ERI1: variants seen among roughly 807,000 people sequenced by gnomAD.
The protein encoded by ERI1 is exoribonuclease 1, also known as 3'-5' exoribonuclease 1.
In ERI1, 39 loss-of-function variants were observed where a neutral mutation model predicts 39.7. The observed-to-expected ratio is 0.98, with a 90% CI of 0.76 to 1.28. The LOEUF (loss-of-function observed/expected upper bound fraction) is 1.28. Among genes scored for constraint, ERI1 ranks in the 50% most tolerant of loss-of-function variants. The probability of loss-of-function intolerance (pLI) is 0.00; values close to 1 mark genes in which losing one functional copy is unlikely to be tolerated. For missense variants in ERI1, 581 were observed against 416.9 expected (o/e 1.39, Z -3.43); for synonymous variants, 204 against 149.6 (o/e 1.36, Z -2.65).
At chr8:9,007,070 T>C (rs1025302665) in intron 1 of ERI1, among the ~76,000 whole-genome samples, 3 of 152,248 alleles carry the variant, frequency 2.0e-5, no homozygotes, top group Non-Finnish European at 4.4e-5. Context: ...TGATATTGCA[T>C]GTGGAAAATA....
chr8:9,062,959 G>C (rs534723880), intron 3 of ERI1, among the ~76,000 whole-genome samples: 1 of 152,204 alleles, frequency 6.6e-6, no homozygotes, highest in Admixed American at 6.5e-5. Flanking sequence ...CAGGTGTTTG[G>C]AGTTCTTGTG....
At chr8:9,086,834 G>C (rs959265195) in intron 3 of ERI1, among the ~76,000 whole-genome samples, 1 of 152,156 alleles carries the variant, frequency 6.6e-6, no homozygotes, top group African/African-American at 2.4e-5. Flanking sequence ...GACTGAGCAA[G>C]AGTGTCAAAC....
intron 3 of ERI1, among the ~76,000 whole-genome samples, chr8:9,046,637 C>G (rs1377010272): frequency 6.6e-6 from 1 of 152,224 alleles, no homozygotes; most frequent in African/African-American, 2.4e-5. Flanking sequence ...ACTTTCTCCC[C>G]AAACAACTCT....
Position 9,008,014 on chromosome 8 carries a change from C to G in ERI1, c.153C>G (p.Ser51=). 1 of 1,549,386 alleles carries G rather than the reference C, an allele frequency of 6.5e-7. No homozygotes were observed. The highest frequency in any genetic ancestry group is 8.7e-7 in the Non-Finnish European group (1 of 1,148,232). ...TTGATGGCCAGGAGACAAAAGGATC[C>G]AAGTTCATTACCTCCAGTGCGAGTG... ...CKFDGQETKG[S]KFITSSASDF... The change falls in exon 2 of 7, where the codon TCC becomes TCG. Residue 51 remains serine, a synonymous_variant. Coordinates refer to ENST00000250263, the MANE Select transcript of ERI1 (RefSeq NM_153332.4).
intron 3 of ERI1, among the ~76,000 whole-genome samples, chr8:9,087,487 T>C (rs1042431705): frequency 6.9e-6 from 1 of 145,438 alleles, no homozygotes; most frequent in Non-Finnish European, 1.5e-5. Flanking sequence ...GGTCTCGAAC[T>C]CCTGACCTTA....
chr8:9,077,977 C>G (rs932223573), intron 3 of ERI1, among the ~76,000 whole-genome samples: 3 of 152,062 alleles, frequency 2.0e-5, no homozygotes, highest in African/African-American at 7.2e-5. Context: ...ACTGATCCAG[C>G]CTATCTTTTT....
intron 3 of ERI1, among the ~76,000 whole-genome samples, chr8:9,040,710 C>T (rs1585252230): frequency 7.0e-6 from 1 of 143,230 alleles, no homozygotes; most frequent in African/African-American, 2.7e-5. Flanking sequence ...ATGTTTTCAT[C>T]AGTAATATAG....
intron 3 of ERI1, among the ~76,000 whole-genome samples, chr8:9,054,437 G>A (rs958510542): frequency 6.6e-6 from 1 of 152,170 alleles, no homozygotes; most frequent in Non-Finnish European, 1.5e-5. Flanking sequence ...GCGACAGAAA[G>A]GGGATGATCC....
chr8:9,052,543 G>A (rs951765949), intron 3 of ERI1, among the ~76,000 whole-genome samples: 1 of 152,086 alleles, frequency 6.6e-6, no homozygotes, highest in Non-Finnish European at 1.5e-5. Context: ...ACCCGTGAAC[G>A]AATCAAGGAA....
At chr8:9,057,894 G>A (rs1317157189) in intron 3 of ERI1, among the ~76,000 whole-genome samples, 1 of 152,112 alleles carries the variant, frequency 6.6e-6, no homozygotes, top group Non-Finnish European at 1.5e-5. Flanking sequence ...AAGAACAGTA[G>A]GAAACCAGGA....
At chr8:9,053,787 A>T (rs1266662568) in intron 3 of ERI1, among the ~76,000 whole-genome samples, 3 of 152,212 alleles carry the variant, frequency 2.0e-5, no homozygotes, top group Non-Finnish European at 4.4e-5. Flanking sequence ...TAGAGAATTG[A>T]TGTTGAAACC....
At chr8:9,020,322 C>A (rs1218843893) in intron 5 of ERI1, 28 bp from the exon 6 acceptor site, 2 of 1,292,978 alleles carry the variant, frequency 1.5e-6, no homozygotes, top group Non-Finnish European at 2.1e-6. Flanking sequence ...TTTATTTCAT[C>A]AATTTTTTGT....
intron 2 of ERI1, among the ~76,000 whole-genome samples, chr8:9,010,311 T>C (rs1309994794): frequency 1.3e-5 from 2 of 151,982 alleles, no homozygotes; most frequent in Admixed American, 6.6e-5. Context: ...CCCACAACAA[T>C]AACAACCAAT....
At chr8:9,044,841 C>T (rs1346575186) in intron 3 of ERI1, among the ~76,000 whole-genome samples, 2 of 152,106 alleles carry the variant, frequency 1.3e-5, no homozygotes, top group Non-Finnish European at 2.9e-5. Flanking sequence ...CTCACCCTGA[C>T]CTGCCACACC....
In ERI1 at chr8:9,011,616, A is replaced by G. The variant is rs138826421; in HGVS notation, c.362A>G (p.Asn121Ser). ...CAGAAGCTGATGCTGAAAGAGAGCA[A>G]TTTTGCTGACAGTTATTATGACTAC... ...KKQKLMLKES[N>S]FADSYYDYIC... The change falls in exon 3 of 7, where the codon AAT becomes AGT. Residue 121 changes from asparagine (N) to serine (S), a missense_variant. By Grantham distance (46) the Asn-to-Ser change is conservative. Transcript: ENST00000250263. The G allele has an allele frequency of 5.3e-3, 8,478 of 1,613,538 alleles. 32 individuals are homozygous for G. The highest frequency in any genetic ancestry group is 6.6e-3 in the Non-Finnish European group (7,762 of 1,179,612).
chr8:9,012,142 G>C, intron 3 of ERI1, among the ~76,000 whole-genome samples: 1 of 152,142 alleles, frequency 6.6e-6, no homozygotes, highest in Non-Finnish European at 1.5e-5. Context: ...TTTTCAGTTG[G>C]TTTTAATATG....
intron 3 of ERI1, among the ~76,000 whole-genome samples, chr8:9,070,761 G>T (rs1207689828): frequency 1.2e-4 from 18 of 152,188 alleles, no homozygotes; most frequent in Admixed American, 1.2e-3. Flanking sequence ...CATGTCTGTG[G>T]ATCAAAGTAA....
chr8:9,056,489 C>A (rs555762361), intron 3 of ERI1, among the ~76,000 whole-genome samples: 1 of 151,880 alleles, frequency 6.6e-6, no homozygotes, highest in Non-Finnish European at 1.5e-5. Context: ...TCAAGTTTGG[C>A]TTTTATAAAT....
chr8:9,086,330 A>G (rs1799524791), intron 3 of ERI1, among the ~76,000 whole-genome samples: 1 of 151,958 alleles, frequency 6.6e-6, no homozygotes. Context: ...TGGGAGGATA[A>G]CTTAAGCCCA....
Sources: allele counts gnomAD v4.1 joint callset (sites outside exome capture counted in the v4.1 genomes callset), GRCh38; gene constraint gnomAD v4.1.1; transcripts MANE v1.5; gene names NCBI Gene and HGNC (gene_info 2026-07-23, HGNC 2026-07-21).